The following FMN1 variants were observed in gnomAD, a reference collection of about 807,000 sequenced individuals.
FMN1 encodes formin 1.
Under a neutral mutation model 132.4 loss-of-function variants are expected in FMN1, and 110 were observed. The observed-to-expected ratio is 0.83, with a 90% CI of 0.71 to 0.97. The LOEUF (loss-of-function observed/expected upper bound fraction) is 0.97, where lower values mean the gene tolerates loss of function less well. FMN1 is among the 50% of genes least tolerant of loss of function. The pLI is 0.00. For synonymous variants in FMN1, 722 were observed against 651.7 expected, an observed-to-expected ratio of 1.11 and a Z score of -1.64; for missense variants, 1,792 against 1,705.3, an observed-to-expected ratio of 1.05 and a Z score of -0.90.
chr15:33,019,631 G>A (rs1021162677), intron 6 of FMN1, among the ~76,000 whole-genome samples: 1 of 152,190 alleles, frequency 6.6e-6, no homozygotes, highest in Admixed American at 6.5e-5. Flanking sequence ...CCTGCAAGGA[G>A]GCAGCTAAGC....
Position 32,900,144 on chromosome 15 carries a change from G to A in FMN1, c.3508-19C>T, listed in dbSNP as rs2141591956. 6.2e-7 allele frequency: 1 copy of A among 1,612,756 alleles called. No homozygotes were observed. Among genetic ancestry groups the A allele is most frequent in the South Asian group, 1.1e-5 (1 of 91,064 alleles). On this transcript the variant is annotated intron_variant, in intron 13 of 20. Coordinates refer to ENST00000616417, the MANE Select transcript of FMN1 (RefSeq NM_001277313.2). ...GCAAGTCCTGTGATGGCAAACACCA[G>A]TTATTACGGAGCTGAACTCCAAATG...
intron 7 of FMN1, among the ~76,000 whole-genome samples, chr15:33,006,831 A>G (rs2034442607): frequency 6.6e-6 from 1 of 152,164 alleles, no homozygotes; most frequent in African/African-American, 2.4e-5. Context: ...AGAAATCTAA[A>G]AAAGTCGAAC....
In FMN1 at chr15:32,769,334, A is replaced by G. The variant is rs144090466; in HGVS notation, c.*4976T>C. On this transcript the variant is annotated 3_prime_UTR_variant, in exon 21 of 21. Transcript: ENST00000616417. ...ACTTTCCAACAAAGCATTGATCTGG[A>G]AGTTCAGTAGATTGCCCATTCCTTG... 6.6e-6 allele frequency: 1 copy of G among 152,334 alleles called. No individual in the cohort carries two copies. Among genetic ancestry groups the G allele is most frequent in the Non-Finnish European group, 1.5e-5 (1 of 68,044 alleles). 9.4% of individuals were successfully genotyped at this position (152,334 alleles called of 1,614,324 possible). A position where few individuals can be genotyped will look rare whatever the true frequency, so the allele number is the denominator to read the frequency against.
intron 4 of FMN1, among the ~76,000 whole-genome samples, chr15:33,125,108 TTAGA>T (rs1962927030): frequency 6.7e-6 from 1 of 148,746 alleles, no homozygotes; most frequent in Non-Finnish European, 1.5e-5. Flanking sequence ...ACATAATGCC[TTAGA>T]ACATTACATC....
At chr15:32,929,530 G>A (rs545649489) in intron 9 of FMN1, among the ~76,000 whole-genome samples, 1 of 152,206 alleles carries the variant, frequency 6.6e-6, no homozygotes, top group African/African-American at 2.4e-5. Flanking sequence ...CAGATTTCTA[G>A]AACTTTTTCA....
chr15:33,133,630 A>T (rs1963641032), intron 4 of FMN1, among the ~76,000 whole-genome samples: 1 of 152,218 alleles, frequency 6.6e-6, no homozygotes, highest in Non-Finnish European at 1.5e-5. Context: ...GTGGCTAATG[A>T]TAACTGTAAG....
intron 4 of FMN1, among the ~76,000 whole-genome samples, chr15:33,115,691 A>C (rs75878725): frequency 0.012 from 1,857 of 152,084 alleles, 48 homozygotes; most frequent in East Asian, 0.065. Context: ...GTTTCCTCTA[A>C]ACCTGTTCTT....
chr15:32,956,282 T>A (rs1277271740), intron 9 of FMN1, among the ~76,000 whole-genome samples: 1 of 152,082 alleles, frequency 6.6e-6, no homozygotes, highest in Non-Finnish European at 1.5e-5. Context: ...AGAAACATGG[T>A]TGAACTCCAA....
At position 33,052,961 on chromosome 15, in the gene FMN1, G is replaced by A. The variant is rs147860660; in HGVS notation, c.2161+11996C>T. Among the ~76,000 whole-genome samples the A allele has an allele frequency of 8.8e-4, 131 of 148,928 alleles. No individual in the cohort carries two copies. The Middle Eastern group carries it at 0.034, about 39-fold the overall frequency. On this transcript the variant is annotated intron_variant, in intron 6 of 20. Transcript: ENST00000616417. Reference sequence around the variant, plus strand: ...TAAAATGCCCCAGACCCAACCACAGGCAGAGAAACCACCTGACTGTGGGGG... The same window carrying A: ...TAAAATGCCCCAGACCCAACCACAGACAGAGAAACCACCTGACTGTGGGGG...
chr15:33,141,126 A>AT (rs1963993586), intron 4 of FMN1, among the ~76,000 whole-genome samples: 1 of 152,154 alleles, frequency 6.6e-6, no homozygotes, highest in Non-Finnish European at 1.5e-5. Flanking sequence ...AAATGATATC[A>AT]TCTGTCATAG....
chr15:32,840,218 G>C (rs1406455084), intron 17 of FMN1, among the ~76,000 whole-genome samples: 1 of 152,160 alleles, frequency 6.6e-6, no homozygotes, highest in Admixed American at 6.5e-5. Flanking sequence ...CATCTGTGTG[G>C]CTCAGATTTA....
chr15:33,028,548 A>C (rs1235911314), intron 6 of FMN1, among the ~76,000 whole-genome samples: 1 of 152,048 alleles, frequency 6.6e-6, no homozygotes, highest in Non-Finnish European at 1.5e-5. Context: ...TAAATAAATA[A>C]ATAAAAATTT....
chr15:33,192,569 C>T (rs1478020205), intron 2 of FMN1, among the ~76,000 whole-genome samples: 2 of 152,184 alleles, frequency 1.3e-5, no homozygotes, highest in Admixed American at 6.5e-5. Context: ...AACTAAGAAT[C>T]GGCTAAGTAC....
intron 6 of FMN1, among the ~76,000 whole-genome samples, chr15:33,033,569 C>T (rs1040555040): frequency 1.3e-5 from 2 of 152,108 alleles, no homozygotes; most frequent in African/African-American, 2.4e-5. Context: ...CTACCAGAAC[C>T]TTCTTTCTGG....
At chr15:32,831,165 ATTAC>A (rs1311942249) in intron 17 of FMN1, among the ~76,000 whole-genome samples, 3 of 152,116 alleles carry the variant, frequency 2.0e-5, no homozygotes, top group Non-Finnish European at 2.9e-5. Flanking sequence ...GAAATGAGAT[ATTAC>A]TTAGTATCAA....
At chr15:33,081,894 T>G (rs2038475518) in intron 5 of FMN1, among the ~76,000 whole-genome samples, 2 of 152,160 alleles carry the variant, frequency 1.3e-5, no homozygotes, top group South Asian at 4.1e-4. Flanking sequence ...ATACAATTAC[T>G]TGGAACGGGA....
At chr15:32,997,069 T>C (rs2033814662) in intron 7 of FMN1, among the ~76,000 whole-genome samples, 1 of 152,216 alleles carries the variant, frequency 6.6e-6, no homozygotes, top group Admixed American at 6.5e-5. Flanking sequence ...TTAACTTCTA[T>C]GAGATTCAGG....
chr15:32,885,141 A>T (rs2059865185), intron 16 of FMN1, among the ~76,000 whole-genome samples: 4 of 152,356 alleles, frequency 2.6e-5, no homozygotes, highest in East Asian at 1.9e-4. Flanking sequence ...GCCTGATCTT[A>T]GTCCTATGTA....
chr15:32,860,146 A>G lies in FMN1; in HGVS notation c.3836-3039T>C, dbSNP rs576898891. 6.7e-3 allele frequency among the ~76,000 whole-genome samples: 998 copies of G among 149,866 alleles called. 9 individuals are homozygous for G. Among genetic ancestry groups the G allele is most frequent in the African/African-American group, 0.023 (937 of 40,718 alleles). On this transcript the variant is annotated intron_variant, in intron 16 of 20. Coordinates refer to ENST00000616417, the MANE Select transcript of FMN1 (RefSeq NM_001277313.2). ...AGAGAGAGACAAAGAGAGAAAGAAA[A>G]AGAGGAAGGAAGGAAGGAAAAGGAA... is the stretch of plus-strand genomic sequence containing the variant.
Sources: allele counts gnomAD v4.1 joint callset (sites outside exome capture counted in the v4.1 genomes callset), GRCh38; gene constraint gnomAD v4.1.1; transcripts MANE v1.5; gene names NCBI Gene and HGNC (gene_info 2026-07-23, HGNC 2026-07-21).